Variants in KIF13A observed in about 807,000 individuals in gnomAD.
KIF13A encodes kinesin family member 13A.
A neutral mutation model predicts 212.2 loss-of-function variants in KIF13A; 79 were observed. The observed-to-expected ratio is 0.37, with a 90% CI of 0.31 to 0.45. KIF13A has a LOEUF of 0.45. KIF13A is among the 20% of genes least tolerant of loss of function. The pLI, the probability that KIF13A is intolerant of heterozygous loss-of-function variation, is 1.00. For synonymous variants in KIF13A, 789 were observed against 808.6 expected, an observed-to-expected ratio of 0.98 and a Z score of 0.41; for missense variants, 1,901 against 2,209.0, an observed-to-expected ratio of 0.86 and a Z score of 2.79.
At chr6:17,937,696 T>G (rs1268501744) in intron 2 of KIF13A, among the ~76,000 whole-genome samples, 2 of 152,030 alleles carry the variant, frequency 1.3e-5, no homozygotes, top group African/African-American at 4.8e-5. Flanking sequence ...GAACCTAGAC[T>G]GGGACCACAG....
Position 17,809,183 on chromosome 6 carries a change from T to G in KIF13A, c.2001-253A>C, listed in dbSNP as rs920811838. 2.6e-5 allele frequency among the ~76,000 whole-genome samples: 4 copies of G among 152,136 alleles called. No homozygotes were observed. The highest frequency in any genetic ancestry group is 9.7e-5 in the African/African-American group (4 of 41,408). ...TAAATTATGTAACACGTGAAAACGA[T>G]CAGATTGTGATAGGAGGATGCAAAA... is the stretch of plus-strand genomic sequence containing the variant. On this transcript the variant is annotated intron_variant, in intron 17 of 38. Transcript: ENST00000259711. The surrounding 1 kb of genome is among the most constrained non-coding windows in gnomAD (Gnocchi z 4.7).
chr6:17,805,370 C>CGTGTGT (rs59526903), intron 19 of KIF13A, 105 bp downstream of exon 19: 41,965 of 727,694 alleles, frequency 0.058, 675 homozygotes, highest in Admixed American at 0.11. Flanking sequence ...AGCACATCTC[C>CGTGTGT]GTGTGTGTGT....
intron 2 of KIF13A, among the ~76,000 whole-genome samples, chr6:17,981,286 A>G (rs959648086): frequency 1.3e-5 from 2 of 152,144 alleles, no homozygotes; most frequent in Admixed American, 1.3e-4. Context: ...GTATTTTTTC[A>G]TAACCTTTGA....
chr6:17,833,855 C>CGAAAAAAA (rs1765684238), intron 12 of KIF13A, 106 bp downstream of exon 12: 2 of 365,544 alleles, frequency 5.5e-6, no homozygotes, highest in Non-Finnish European at 9.0e-6. Context: ...GACTCCGTCT[C>CGAAAAAAA]AAAAAAAAAA....
Position 17,951,177 on chromosome 6 carries a change from C to G in KIF13A, c.146+35877G>C, listed in dbSNP as rs2150570491. 8.1e-7 allele frequency: 1 copy of G among 1,234,488 alleles called. No homozygotes were observed. The highest frequency in any genetic ancestry group is 3.4e-5 in the South Asian group (1 of 29,476). 76.5% of individuals were successfully genotyped at this position (1,234,488 alleles called of 1,614,324 possible). A position where few individuals can be genotyped will look rare whatever the true frequency, so the allele number is the denominator to read the frequency against. ...CTTTAATTTTTTATTTTTTTGAAGA[C>G]AGGGTCTGGCTCTGTCACCCAGGCT... On this transcript the variant is annotated intron_variant, in intron 2 of 38. Transcript: ENST00000259711. This position sits in a 1 kb window ranked among gnomAD's most constrained non-coding sequence, Gnocchi z 4.9.
At chr6:17,950,623 ATTAAAAAGC>A in intron 2 of KIF13A, 1 of 985,284 alleles carries the variant, frequency 1.0e-6, no homozygotes, top group Non-Finnish European at 1.2e-6. Context: ...TCTTAACAAA[ATTAAAAAGC>A]AATAACTATC....
At chr6:17,980,971 GA>G (rs1381291421) in intron 2 of KIF13A, among the ~76,000 whole-genome samples, 1 of 148,702 alleles carries the variant, frequency 6.7e-6, no homozygotes, top group African/African-American at 2.5e-5. Flanking sequence ...CCAAAAGAAT[GA>G]ATTAAAACCA....
intron 2 of KIF13A, among the ~76,000 whole-genome samples, chr6:17,906,552 G>A (rs1773520471): frequency 1.3e-5 from 2 of 150,204 alleles, no homozygotes; most frequent in Admixed American, 6.7e-5. Flanking sequence ...GGGCTCAAGA[G>A]ATCCTCCCAT....
chr6:17,816,371 T>C lies in KIF13A; in HGVS notation c.2000+649A>G, dbSNP rs1236250872. Among the ~76,000 whole-genome samples, 2 of 151,524 alleles carry C rather than the reference T, an allele frequency of 1.3e-5. No homozygotes were observed. Among genetic ancestry groups the C allele is most frequent in the Non-Finnish European group, 2.9e-5 (2 of 68,014 alleles). ...GGCACCAGCTACCATGCCTGGCTAA[T>C]TTTTTATTTTTTGTAGAGACAAGGT... On this transcript the variant is annotated intron_variant, in intron 17 of 38. Coordinates refer to ENST00000259711, the MANE Select transcript of KIF13A (RefSeq NM_022113.6). This position sits in a 1 kb window ranked among gnomAD's most constrained non-coding sequence, Gnocchi z 4.3.
chr6:17,816,953 A>C lies in KIF13A; in HGVS notation c.2000+67T>G, dbSNP rs1323633445. 5 of 1,330,242 alleles carry C rather than the reference A, an allele frequency of 3.8e-6. No individual in the cohort carries two copies. The African/African-American group carries it at 7.3e-5, about 20-fold the overall frequency. 82.4% of individuals were successfully genotyped at this position (1,330,242 alleles called of 1,614,324 possible). A position where few individuals can be genotyped will look rare whatever the true frequency, so the allele number is the denominator to read the frequency against. On this transcript the variant is annotated intron_variant, in intron 17 of 38. Coordinates refer to ENST00000259711, the MANE Select transcript of KIF13A (RefSeq NM_022113.6). This position sits in a 1 kb window ranked among gnomAD's most constrained non-coding sequence, Gnocchi z 4.3. ...AGGTTTGTCCCTGACATGTCTCAAA[A>C]ACCCCTCCCTCAAAGACCCACGGCC...
rs775482409 is a variant in KIF13A at position 17,799,217 on chromosome 6, C to G, written c.2790+49G>C. On this transcript the variant is annotated intron_variant, in intron 22 of 38. Coordinates refer to ENST00000259711, the MANE Select transcript of KIF13A (RefSeq NM_022113.6). This position sits in a 1 kb window ranked among gnomAD's most constrained non-coding sequence, Gnocchi z 4.4. ...GGGGACAACTGATTGTTGAACTGCA[C>G]CAATTTCTGCTGCTTCCTACACAGC... is the stretch of plus-strand genomic sequence containing the variant. The G allele has an allele frequency of 7.6e-7, 1 of 1,314,194 alleles. No individual in the cohort carries two copies. The highest frequency in any genetic ancestry group is 1.0e-6 in the Non-Finnish European group (1 of 989,560). The allele number at this position is 1,314,194 out of a possible 1,614,324, so 81.4% of individuals were successfully genotyped here. A position where few individuals can be genotyped will look rare whatever the true frequency, so the allele number is the denominator to read the frequency against.
chr6:17,787,830 T>C lies in KIF13A; in HGVS notation c.3307A>G (p.Ile1103Val), dbSNP rs1761188810. 1.9e-6 allele frequency: 3 copies of C among 1,613,574 alleles called. No individual in the cohort carries two copies. The highest frequency in any genetic ancestry group is 2.5e-6 in the Non-Finnish European group (3 of 1,179,492). The change falls in exon 27 of 39, where the codon ATT (isoleucine) becomes GTT (valine). Residue 1103 changes from isoleucine to valine, a missense_variant. This residue lies in a region of KIF13A where 168 missense variants were observed against 250.9 expected (regional missense o/e 0.67). Transcript: ENST00000259711. This position sits in a 1 kb window ranked among gnomAD's most constrained non-coding sequence, Gnocchi z 4.6. ...CVRERWSDALIKRREYLDEQI... is the reference protein window; with the variant it reads ...CVRERWSDALVKRREYLDEQI... ...TCATCCAGGTATTCTCGTCGTTTAA[T>C]GAGTGCATCTGACCACCTCTCCCTT...
rs957386340 is a variant in KIF13A at position 17,811,153 on chromosome 6, A to G, written c.2001-2223T>C. Among the ~76,000 whole-genome samples the G allele has an allele frequency of 1.3e-5, 2 of 152,320 alleles. No homozygotes were observed. The highest frequency in any genetic ancestry group is 4.8e-5 in the African/African-American group (2 of 41,560). ...TACCTCTCAAATGCACTTGAAATCAATCCTTCTCCCTGAAAACCTCTGTAG... is the reference window on the plus strand; with the variant it reads ...TACCTCTCAAATGCACTTGAAATCAGTCCTTCTCCCTGAAAACCTCTGTAG... On this transcript the variant is annotated intron_variant, in intron 17 of 38. Coordinates refer to ENST00000259711, the MANE Select transcript of KIF13A (RefSeq NM_022113.6). This position sits in a 1 kb window ranked among gnomAD's most constrained non-coding sequence, Gnocchi z 6.0.
rs1421556625 is a variant in KIF13A at position 17,826,714 on chromosome 6, G to A, written c.1533-590C>T. On this transcript the variant is annotated intron_variant, in intron 14 of 38. Coordinates refer to ENST00000259711, the MANE Select transcript of KIF13A (RefSeq NM_022113.6). This position sits in a 1 kb window ranked among gnomAD's most constrained non-coding sequence, Gnocchi z 4.7. ...TGGATCCTAATTTCAAGAAACAACT[G>A]AAAAAGAAAACTGATGAGACAACTG... 6.6e-6 allele frequency among the ~76,000 whole-genome samples: 1 copy of A among 152,072 alleles called. No individual in the cohort carries two copies. Among genetic ancestry groups the A allele is most frequent in the Non-Finnish European group, 1.5e-5 (1 of 68,024 alleles).
chr6:17,828,673 G>T lies in KIF13A; in HGVS notation c.1402-303C>A, dbSNP rs1471842531. On this transcript the variant is annotated intron_variant, in intron 13 of 38. Transcript: ENST00000259711. The surrounding 1 kb of genome is among the most constrained non-coding windows in gnomAD (Gnocchi z 4.3). ...TGAGTTTCAATTGTGACTTGACCAC[G>T]GGGAAGCCATTTCACTCTCTGAGCC... Among the ~76,000 whole-genome samples the T allele has an allele frequency of 6.6e-6, 1 of 152,112 alleles. No homozygotes were observed. Among genetic ancestry groups the T allele is most frequent in the Non-Finnish European group, 1.5e-5 (1 of 68,026 alleles).
Position 17,826,242 on chromosome 6 carries a change from T to TAAAGAAGGA in KIF13A, c.1533-127_1533-119dup, listed in dbSNP as rs1245085868. 56 of 717,666 alleles carry TAAAGAAGGA rather than the reference T, an allele frequency of 7.8e-5. No individual in the cohort carries two copies. Among genetic ancestry groups the TAAAGAAGGA allele is most frequent in the Middle Eastern group, 3.4e-4 (1 of 2,950 alleles). The allele number at this position is 717,666 out of a possible 1,614,324, so 44.5% of individuals were successfully genotyped here. A position where few individuals can be genotyped will look rare whatever the true frequency, so the allele number is the denominator to read the frequency against. The stretch of plus-strand genomic sequence containing the variant: ...TAATAAATGCATTCCAACTAACGCT[T>TAAAGAAGGA]AAAGAAGGAAGAGCAGAATGTGTAA... On this transcript the variant is annotated intron_variant, in intron 14 of 38. Coordinates refer to ENST00000259711, the MANE Select transcript of KIF13A (RefSeq NM_022113.6). This position sits in a 1 kb window ranked among gnomAD's most constrained non-coding sequence, Gnocchi z 4.7.
Position 17,912,927 on chromosome 6 carries a change from A to T in KIF13A, c.147-14747T>A, listed in dbSNP as rs917491106. On this transcript the variant is annotated intron_variant, in intron 2 of 38. Transcript: ENST00000259711. The surrounding 1 kb of genome is among the most constrained non-coding windows in gnomAD (Gnocchi z 4.2). ...CTCTTCTGAAACTTCAGACTTCCTT[A>T]TATCTAATCTTTTTATTTTTCTAAT... Among the ~76,000 whole-genome samples the T allele has an allele frequency of 6.6e-6, 1 of 151,868 alleles. No homozygotes were observed. The highest frequency in any genetic ancestry group is 1.5e-5 in the Non-Finnish European group (1 of 67,974).
rs575093947 is a variant in KIF13A at position 17,971,940 on chromosome 6, T to G, written c.146+15114A>C. 6.6e-6 allele frequency among the ~76,000 whole-genome samples: 1 copy of G among 152,172 alleles called. No homozygotes were observed. Among genetic ancestry groups the G allele is most frequent in the Non-Finnish European group, 1.5e-5 (1 of 68,020 alleles). ...AAAAAAAATGTCCCTAGGATTACAG[T>G]AGACCAGCAATTTTTGAACACTATT... is the stretch of plus-strand genomic sequence containing the variant. On this transcript the variant is annotated intron_variant, in intron 2 of 38. Coordinates refer to ENST00000259711, the MANE Select transcript of KIF13A (RefSeq NM_022113.6). This position sits in a 1 kb window ranked among gnomAD's most constrained non-coding sequence, Gnocchi z 4.2.
chr6:17,794,791 T>G lies in KIF13A; in HGVS notation c.2943-87A>C. On this transcript the variant is annotated intron_variant, in intron 23 of 38. Coordinates refer to ENST00000259711, the MANE Select transcript of KIF13A (RefSeq NM_022113.6). This position sits in a 1 kb window ranked among gnomAD's most constrained non-coding sequence, Gnocchi z 4.1. ...AATAAGCCACCATTCACTGAGCACTTACTATGTGCTAGGCACTGTGCCATT... is the reference window on the plus strand; with the variant it reads ...AATAAGCCACCATTCACTGAGCACTGACTATGTGCTAGGCACTGTGCCATT... 1 of 1,381,080 alleles carries G rather than the reference T, an allele frequency of 7.2e-7. No homozygotes were observed. The highest frequency in any genetic ancestry group is 9.9e-7 in the Non-Finnish European group (1 of 1,013,232). 85.6% of individuals were successfully genotyped at this position (1,381,080 alleles called of 1,614,324 possible). A position where few individuals can be genotyped will look rare whatever the true frequency, so the allele number is the denominator to read the frequency against.
Sources: allele counts gnomAD v4.1 joint callset (sites outside exome capture counted in the v4.1 genomes callset), GRCh38; gene constraint gnomAD v4.1.1; regional missense constraint gnomAD v4.1.1; non-coding constraint Gnocchi (gnomAD v3.1); transcripts MANE v1.5; gene names NCBI Gene and HGNC (gene_info 2026-07-23, HGNC 2026-07-21).